The following SCAND1 variants were observed in gnomAD, a reference collection of about 807,000 sequenced individuals.
SCAND1 encodes SCAN domain-containing protein 1.
A neutral mutation model predicts 3.4 loss-of-function variants in SCAND1; 3 were observed. The observed-to-expected ratio is 0.87, with a 90% CI of 0.40 to 2.25. SCAND1 has a LOEUF of 2.25. Among genes scored for constraint, SCAND1 ranks in the 30% most tolerant of loss-of-function variants. The pLI, the probability that SCAND1 is intolerant of heterozygous loss-of-function variation, is 0.05. For synonymous variants in SCAND1, 152 were observed against 120.5 expected (o/e 1.26, Z -1.72); for missense variants, 303 against 258.8 (o/e 1.17, Z -1.17).
chr20:35,954,002 G>A lies in SCAND1; in HGVS notation c.283C>T (p.Pro95Ser). 6.5e-7 allele frequency: 1 copy of A among 1,548,948 alleles called. No individual in the cohort carries two copies. The highest frequency in any genetic ancestry group is 8.7e-7 in the Non-Finnish European group (1 of 1,146,816). Residue 95 changes from proline to serine, a missense_variant, in exon 2 of 2, where the codon CCA (proline) becomes TCA (serine). Physicochemically the swap from Pro to Ser is moderately conservative, Grantham distance 74 (BLOSUM62 -1). Transcript: ENST00000305978. ...PQAEAEARST[P>S]GPAGSRLGPE... ...CCGAGTCTAGAGCCGGCGGGGCCTGGTGTGGAGCGCGCTTCAGCTTCGGCC... is the reference window on the plus strand; with the variant it reads ...CCGAGTCTAGAGCCGGCGGGGCCTGATGTGGAGCGCGCTTCAGCTTCGGCC...
chr20:35,954,459 A>G lies in SCAND1; in HGVS notation c.-67T>C. On this transcript the variant is annotated 5_prime_UTR_variant, in exon 1 of 2. Coordinates refer to ENST00000305978, the MANE Select transcript of SCAND1 (RefSeq NM_033630.3). ...TGTGCGGAGCTTACCTGCACCAGCG[A>G]AGCGCCTGCGGCAGCCGGAAGCGAA... The G allele has an allele frequency of 6.5e-7, 1 of 1,548,546 alleles. No homozygotes were observed. The highest frequency in any genetic ancestry group is 8.7e-7 in the Non-Finnish European group (1 of 1,146,382).
chr20:35,957,451 G>A (rs1004939444), upstream of SCAND1, among the ~76,000 whole-genome samples: 1 of 152,012 alleles, frequency 6.6e-6, no homozygotes, highest in African/African-American at 2.4e-5. Context: ...AGCTGGGCTC[G>A]GTGGCTCATG....
At chr20:35,954,757 A>G, upstream of SCAND1, 3 of 595,476 alleles carry the variant, frequency 5.0e-6, no homozygotes, top group Admixed American at 3.8e-5. Flanking sequence ...TTTGCAGGTG[A>G]CCTTTGCGTG....
chr20:35,954,836 G>T (rs189573064), upstream of SCAND1: 2 of 321,488 alleles, frequency 6.2e-6, no homozygotes, highest in Non-Finnish European at 1.3e-5. Flanking sequence ...AATGATTAGG[G>T]TGACGGCTGG....
At chr20:35,958,065 G>A (rs1243286460), upstream of SCAND1, among the ~76,000 whole-genome samples, 1 of 152,224 alleles carries the variant, frequency 6.6e-6, no homozygotes, top group South Asian at 2.1e-4. Flanking sequence ...GTTGTTGAGG[G>A]TTGTGGAAAA....
upstream of SCAND1, among the ~76,000 whole-genome samples, chr20:35,957,402 C>A (rs900263630): frequency 6.6e-6 from 1 of 151,648 alleles, no homozygotes; most frequent in Admixed American, 6.6e-5. Context: ...GCCTGGGCAA[C>A]ATGATGAAAC....
upstream of SCAND1, chr20:35,955,338 A>G (rs2147156737): frequency 6.6e-6 from 1 of 152,328 alleles, no homozygotes. Context: ...TTTTGCATAT[A>G]TTGGGTCAAA....
At chr20:35,954,726 C>A (rs1361538612), upstream of SCAND1, 1 of 884,188 alleles carries the variant, frequency 1.1e-6, no homozygotes, top group Non-Finnish European at 1.5e-6. Flanking sequence ...AGTCCCGGAC[C>A]TTATCCGTGC....
Position 35,953,900 on chromosome 20 carries a change from G to T in SCAND1, c.385C>A (p.Leu129Met). The change falls in exon 2 of 2, where the codon CTG becomes ATG. Residue 129 changes from leucine (L) to methionine (M), a missense_variant. Transcript: ENST00000305978. ...AGCCACTGGCGGGACAGCTCCCGCA[G>T]CTGCCGGAAAGCCTCCCGGGGACCC... Reference protein sequence around the residue: ...AAGPREAFRQLRELSRQWLRP... With the variant: ...AAGPREAFRQMRELSRQWLRP... 6.4e-7 allele frequency: 1 copy of T among 1,558,210 alleles called. No homozygotes were observed. Among genetic ancestry groups the T allele is most frequent in the Non-Finnish European group, 8.7e-7 (1 of 1,154,282 alleles).
chr20:35,954,056 C>G lies in SCAND1; in HGVS notation c.229G>C (p.Gly77Arg), dbSNP rs908769197. 6 of 1,539,832 alleles carry G rather than the reference C, an allele frequency of 3.9e-6. No individual in the cohort carries two copies. The highest frequency in any genetic ancestry group is 2.5e-5 in the East Asian group (1 of 40,688). ...AASAALELPL[G>R]PAPVSVAPQA... is the part of the protein sequence containing the mutation. ...GGCGCTACGCTCACGGGTGCGGGCC[C>G]GAGAGGCAGCTCCAGGGCCGCGGAG... The change falls in exon 2 of 2, where the codon GGG (glycine) becomes CGG (arginine). Residue 77 changes from glycine (G) to arginine (R), a missense_variant. Gly to Arg is a moderately radical substitution (Grantham distance 125, BLOSUM62 -2). Coordinates refer to ENST00000305978, the MANE Select transcript of SCAND1 (RefSeq NM_033630.3).
In SCAND1 at chr20:35,953,792, G is replaced by C. The variant is rs769631736; in HGVS notation, c.493C>G (p.Arg165Gly). ...GTGCGGCGGCGGATCCGCCGGGCCC[G>C]AGCCGCCTCGGGCAGGATGGCGAGC... The part of the protein sequence containing the change: ...QLLAILPEAA[R>G]ARRIRRRTDV... The change falls in exon 2 of 2, where the codon CGG becomes GGG. Residue 165 changes from arginine to glycine, a missense_variant. Coordinates refer to ENST00000305978, the MANE Select transcript of SCAND1 (RefSeq NM_033630.3). 4.0e-6 allele frequency: 6 copies of C among 1,512,728 alleles called. No individual in the cohort carries two copies. Among genetic ancestry groups the C allele is most frequent in the Non-Finnish European group, 5.3e-6 (6 of 1,132,130 alleles). The allele number at this position is 1,512,728 out of a possible 1,614,324, so 93.7% of individuals were successfully genotyped here.
At chr20:35,954,867 G>T (rs1445400772), upstream of SCAND1, 5 of 303,424 alleles carry the variant, frequency 1.6e-5, no homozygotes, top group Non-Finnish European at 2.7e-5. Context: ...TTCGAGTGGC[G>T]CCCGGCCGGT....
At chr20:35,959,316 GATATTATT>G (rs1187320473), upstream of SCAND1, 3 of 143,232 alleles carry the variant, frequency 2.1e-5, no homozygotes, top group Non-Finnish European at 3.0e-5. Flanking sequence ...CACAGGCATT[GATATTATT>G]ATTAGTGTAT....
upstream of SCAND1, chr20:35,954,566 C>G (rs1350028407): frequency 6.8e-7 from 1 of 1,472,228 alleles, no homozygotes; most frequent in Admixed American, 2.1e-5. Context: ...CGCCCTCTAG[C>G]GTTCTCGAGT....
At chr20:35,955,982 A>G (rs1392343245), upstream of SCAND1, among the ~76,000 whole-genome samples, 1 of 152,098 alleles carries the variant, frequency 6.6e-6, no homozygotes, top group African/African-American at 2.4e-5. Flanking sequence ...CAGCCTCCCA[A>G]AGTGCTGGCA....
chr20:35,957,058 G>C (rs919431841), upstream of SCAND1, among the ~76,000 whole-genome samples: 4 of 152,132 alleles, frequency 2.6e-5, no homozygotes, highest in Admixed American at 1.3e-4. Flanking sequence ...GTGGCACCTG[G>C]AATCATGAGA....
chr20:35,954,300 C>G lies in SCAND1; in HGVS notation c.-16G>C. The G allele has an allele frequency of 6.2e-7, 1 of 1,613,414 alleles. No individual in the cohort carries two copies. Among genetic ancestry groups the G allele is most frequent in the South Asian group, 1.1e-5 (1 of 91,000 alleles). On this transcript the variant is annotated 5_prime_UTR_variant, in exon 2 of 2. Transcript: ENST00000305978. ...TAGCCGCCATAACTCCAGCTCCGGG[C>G]GTCACTCTTTGTCCGGTAGCTGTGT...
chr20:35,953,637 C>G lies in SCAND1; in HGVS notation c.*108G>C. 1 of 664,434 alleles carries G rather than the reference C, an allele frequency of 1.5e-6. No individual in the cohort carries two copies. The highest frequency in any genetic ancestry group is 2.3e-6 in the Non-Finnish European group (1 of 437,202). The allele number at this position is 664,434 out of a possible 1,614,324, so 41.2% of individuals were successfully genotyped here. A position where few individuals can be genotyped will look rare whatever the true frequency, so the allele number is the denominator to read the frequency against. On this transcript the variant is annotated 3_prime_UTR_variant, in exon 2 of 2. Coordinates refer to ENST00000305978, the MANE Select transcript of SCAND1 (RefSeq NM_033630.3). ...CACCAGACCACAGGCGCTGCCAAAACTCATTTTTCATTAACACGGGGTGGG... is the reference window on the plus strand; with the variant it reads ...CACCAGACCACAGGCGCTGCCAAAAGTCATTTTTCATTAACACGGGGTGGG...
At chr20:35,958,541 A>G (rs1207916799), upstream of SCAND1, among the ~76,000 whole-genome samples, 1 of 152,230 alleles carries the variant, frequency 6.6e-6, no homozygotes, top group Non-Finnish European at 1.5e-5. Flanking sequence ...CCTAATGGTA[A>G]CATCTTGCAT....
Sources: allele counts gnomAD v4.1 joint callset (sites outside exome capture counted in the v4.1 genomes callset), GRCh38; gene constraint gnomAD v4.1.1; transcripts MANE v1.5; gene names NCBI Gene and HGNC (gene_info 2026-07-23, HGNC 2026-07-21).